PLXNA4: variants seen among roughly 807,000 people sequenced by gnomAD.
The protein encoded by PLXNA4 is plexin A4.
A neutral mutation model predicts 191.8 loss-of-function variants in PLXNA4; 44 were observed. That is an observed-to-expected ratio of 0.23 (90% CI 0.18 to 0.29). The LOEUF is 0.29. PLXNA4 is among the 10% of genes least tolerant of loss of function. PLXNA4 has a pLI of 1.00. For missense variants in PLXNA4, 1,800 were observed against 2,488.8 expected (o/e 0.72, Z 5.89); for synonymous variants, 1,082 against 1,009.5 (o/e 1.07, Z -1.36).
At chr7:132,343,828 A>G (rs2116761129) in intron 3 of PLXNA4, among the ~76,000 whole-genome samples, 1 of 152,282 alleles carries the variant, frequency 6.6e-6, no homozygotes, top group East Asian at 1.9e-4. Context: ...GAGGCATGAG[A>G]ATTGCTTGAA....
At chr7:132,392,665 CCT>C (rs1793552701) in intron 3 of PLXNA4, among the ~76,000 whole-genome samples, 1 of 152,224 alleles carries the variant, frequency 6.6e-6, no homozygotes, top group African/African-American at 2.4e-5. Flanking sequence ...TGCTGTATGC[CCT>C]GTTTCACAGT....
rs141391233 is a variant in PLXNA4 at position 132,253,751 on chromosome 7, TGTCACCTGTCC to T, written c.1504-12596_1504-12586del. Among the ~76,000 whole-genome samples the T allele has an allele frequency of 4.8e-3, 737 of 152,290 alleles. 7 individuals are homozygous for T. The highest frequency in any genetic ancestry group is 0.016 in the African/African-American group (674 of 41,574). On this transcript the variant is annotated intron_variant, in intron 4 of 31. Coordinates refer to ENST00000321063, the MANE Select transcript of PLXNA4 (RefSeq NM_020911.2). ...TGTTTGGCAATGCCTTATTCAGTGA[TGTCACCTGTCC>T]GCCCAGAAGCTTCCTGCAGAAAACC... is the stretch of plus-strand genomic sequence containing the variant.
Position 132,166,286 on chromosome 7 carries a change from G to C in PLXNA4, c.4287-1086C>G, listed in dbSNP as rs1402716879. Among the ~76,000 whole-genome samples, 43 of 137,694 alleles carry C rather than the reference G, an allele frequency of 3.1e-4. 1 individual carries two copies. The highest frequency in any genetic ancestry group is 2.9e-3 in the Admixed American group (39 of 13,596). 90.3% of individuals were successfully genotyped at this position (137,694 alleles called of 152,430 possible). A position where few individuals can be genotyped will look rare whatever the true frequency, so the allele number is the denominator to read the frequency against. On this transcript the variant is annotated intron_variant, in intron 22 of 31. Transcript: ENST00000321063. Reference sequence around the variant, plus strand: ...AACTTCCCTTGGGAGCCCTTCTAGAGTTTCATTTGCAATGACAGAAAGTTC... The same window carrying C: ...AACTTCCCTTGGGAGCCCTTCTAGACTTTCATTTGCAATGACAGAAAGTTC...
intron 3 of PLXNA4, among the ~76,000 whole-genome samples, chr7:132,377,155 A>G (rs904664227): frequency 6.6e-6 from 1 of 152,204 alleles, no homozygotes; most frequent in African/African-American, 2.4e-5. Flanking sequence ...AGAGAATACG[A>G]GATGCTTATG....
intron 3 of PLXNA4, among the ~76,000 whole-genome samples, chr7:132,440,421 C>T (rs1360647021): frequency 6.6e-6 from 1 of 152,210 alleles, no homozygotes; most frequent in African/African-American, 2.4e-5. Flanking sequence ...TTCAAACTAA[C>T]CATCCTGAAA....
chr7:132,375,355 G>T (rs1218045920), intron 3 of PLXNA4, among the ~76,000 whole-genome samples: 4 of 151,528 alleles, frequency 2.6e-5, no homozygotes, highest in Admixed American at 1.3e-4. Context: ...TCTTCCTTAG[G>T]ATCCAGAAAC....
chr7:132,137,969 G>C (rs903457453), intron 30 of PLXNA4, among the ~76,000 whole-genome samples: 1 of 151,158 alleles, frequency 6.6e-6, no homozygotes, highest in Non-Finnish European at 1.5e-5. Flanking sequence ...TAAGAAGACT[G>C]GTGGGAGACT....
chr7:132,562,036 CCT>C (rs1801165196), intron 1 of PLXNA4, among the ~76,000 whole-genome samples: 1 of 133,678 alleles, frequency 7.5e-6, no homozygotes, highest in Non-Finnish European at 1.6e-5. Context: ...TCCTTCTCCT[CCT>C]CTTCCTCCTC....
At chr7:132,613,653 G>T (rs1185529475) in intron 2 of PLXNA4, among the ~76,000 whole-genome samples, 1 of 152,162 alleles carries the variant, frequency 6.6e-6, no homozygotes, top group Non-Finnish European at 1.5e-5. Context: ...CAGGACAAAC[G>T]CAAAGTAGCA....
At chr7:132,155,695 C>T (rs763308974) in intron 25 of PLXNA4, among the ~76,000 whole-genome samples, 1 of 152,158 alleles carries the variant, frequency 6.6e-6, no homozygotes, top group Non-Finnish European at 1.5e-5. Flanking sequence ...CCGCTGTGGT[C>T]GCTGTCCTTC....
At chr7:132,185,774 C>T (rs937860354) in intron 15 of PLXNA4, among the ~76,000 whole-genome samples, 1 of 152,226 alleles carries the variant, frequency 6.6e-6, no homozygotes, top group Non-Finnish European at 1.5e-5. Context: ...CATCTGATCA[C>T]CCTGGCCTGC....
At chr7:132,403,896 C>T (rs1166698478) in intron 3 of PLXNA4, among the ~76,000 whole-genome samples, 1 of 152,070 alleles carries the variant, frequency 6.6e-6, no homozygotes, top group African/African-American at 2.4e-5. Context: ...CTTCTCAGTC[C>T]CCAGGGCAGC....
At chr7:132,307,636 C>A (rs139854139) in intron 3 of PLXNA4, among the ~76,000 whole-genome samples, 10 of 152,164 alleles carry the variant, frequency 6.6e-5, no homozygotes, top group African/African-American at 2.2e-4. Context: ...CCCAGCCAGG[C>A]CCGCGTGGCC....
chr7:132,215,486 C>T (rs780828084), intron 9 of PLXNA4, among the ~76,000 whole-genome samples: 34 of 152,328 alleles, frequency 2.2e-4, no homozygotes, highest in South Asian at 4.1e-4. Flanking sequence ...TTGGAGTTTT[C>T]TGAATGATTG....
At chr7:132,537,374 A>T (rs1372390802) in intron 1 of PLXNA4, among the ~76,000 whole-genome samples, 3 of 152,248 alleles carry the variant, frequency 2.0e-5, no homozygotes, top group Non-Finnish European at 4.4e-5. Flanking sequence ...TGGAATTAAC[A>T]ATCTAATGAT....
At chr7:132,238,642 C>T (rs1312923447) in intron 5 of PLXNA4, among the ~76,000 whole-genome samples, 2 of 152,162 alleles carry the variant, frequency 1.3e-5, no homozygotes, top group Admixed American at 6.5e-5. Flanking sequence ...CATGGAAACA[C>T]GAATAAGATA....
chr7:132,364,747 T>C (rs755279539), intron 3 of PLXNA4, among the ~76,000 whole-genome samples: 2 of 152,248 alleles, frequency 1.3e-5, no homozygotes, highest in Non-Finnish European at 1.5e-5. Flanking sequence ...GTTCGTAGTT[T>C]CATCCTGTGG....
chr7:132,471,336 A>G (rs1796926333), intron 3 of PLXNA4, among the ~76,000 whole-genome samples: 1 of 152,220 alleles, frequency 6.6e-6, no homozygotes, highest in South Asian at 2.1e-4. Flanking sequence ...AGAACGGTGT[A>G]ATACAAATAG....
intron 1 of PLXNA4, among the ~76,000 whole-genome samples, chr7:132,529,827 G>C (rs1277075437): frequency 2.0e-5 from 3 of 152,070 alleles, no homozygotes; most frequent in African/African-American, 7.2e-5. Flanking sequence ...GGATGGTCTC[G>C]ATCTCCAGAC....
Sources: allele counts gnomAD v4.1 joint callset (sites outside exome capture counted in the v4.1 genomes callset), GRCh38; gene constraint gnomAD v4.1.1; transcripts MANE v1.5; gene names NCBI Gene and HGNC (gene_info 2026-07-23, HGNC 2026-07-21).